The following CTNNA1 variants were observed in gnomAD, a reference collection of about 807,000 sequenced individuals.
CTNNA1 encodes catenin alpha 1.
Under a neutral mutation model 98.4 loss-of-function variants are expected in CTNNA1, and 37 were observed. The observed-to-expected ratio is 0.38, with a 90% confidence interval of 0.29 to 0.49. The LOEUF is 0.49. Among genes scored for constraint, CTNNA1 ranks in the 20% least tolerant of loss-of-function variants. The probability of loss-of-function intolerance (pLI) is 0.95; values close to 1 mark genes in which losing one functional copy is unlikely to be tolerated. For synonymous variants in CTNNA1, 404 were observed against 413.2 expected, an observed-to-expected ratio of 0.98 and a Z score of 0.27; for missense variants, 761 against 1,147.2, an observed-to-expected ratio of 0.66 and a Z score of 4.86.
chr5:138,914,082 G>A (rs750485218), intron 10 of CTNNA1, among the ~76,000 whole-genome samples: 1 of 152,162 alleles, frequency 6.6e-6, no homozygotes, highest in Non-Finnish European at 1.5e-5. Flanking sequence ...ATTATCAGCT[G>A]TCTTTTGTAC....
In CTNNA1 at chr5:138,783,217, A is replaced by G. The variant is rs1308395731; in HGVS notation, c.146A>G (p.Asn49Ser). The change falls in exon 3 of 18, where the codon AAT becomes AGT. Residue 49 changes from asparagine to serine, a missense_variant. Transcript: ENST00000302763. The stretch of plus-strand genomic sequence containing the variant: ...AACACCAATAGTAAAGGGCCCTCTA[A>G]TAAGAAGAGAGGTCGTTCTAAGAAG... ...LVNTNSKGPSNKKRGRSKKAH... is the reference protein window; with the variant it reads ...LVNTNSKGPSSKKRGRSKKAH... 1 of 1,613,882 alleles carries G rather than the reference A, an allele frequency of 6.2e-7. No individual in the cohort carries two copies. Among genetic ancestry groups the G allele is most frequent in the Admixed American group, 1.7e-5 (1 of 60,024 alleles).
chr5:138,868,935 T>C (rs1765066888), intron 7 of CTNNA1: 1 of 152,182 alleles, frequency 6.6e-6, no homozygotes, highest in African/African-American at 2.4e-5. Context: ...CTTTTTACAG[T>C]ATACACAATT....
intron 3 of CTNNA1, chr5:138,791,047 A>AG (rs1756298607): frequency 6.6e-6 from 1 of 152,210 alleles, no homozygotes; most frequent in African/African-American, 2.4e-5. Context: ...AGATAGAGTA[A>AG]GTTCTTTTAC....
intron 9 of CTNNA1, among the ~76,000 whole-genome samples, chr5:138,892,323 G>C (rs1755568688): frequency 7.6e-6 from 1 of 132,034 alleles, no homozygotes. Context: ...ATATAAAATA[G>C]CTTAGTTTTT....
At chr5:138,925,473 C>T (rs1477587475) in intron 13 of CTNNA1, 66 bp downstream of exon 13, 47 of 1,571,510 alleles carry the variant, frequency 3.0e-5, no homozygotes, top group African/African-American at 8.1e-5. Context: ...TTGAGCAATG[C>T]GTCATTCTAG....
chr5:138,840,999 T>G (rs1262734634), intron 7 of CTNNA1, among the ~76,000 whole-genome samples: 3 of 152,198 alleles, frequency 2.0e-5, no homozygotes, highest in Non-Finnish European at 4.4e-5. Flanking sequence ...ACTGTCCTTG[T>G]CGGAGACAGG....
chr5:138,868,225 T>C (rs554145504), intron 7 of CTNNA1, among the ~76,000 whole-genome samples: 104 of 152,368 alleles, frequency 6.8e-4, no homozygotes, highest in Non-Finnish European at 1.0e-3. Flanking sequence ...GCAGTAGCTA[T>C]TAATAAAAAT....
At chr5:138,781,449 G>A (rs1755100369) in intron 1 of CTNNA1, among the ~76,000 whole-genome samples, 1 of 151,962 alleles carries the variant, frequency 6.6e-6, no homozygotes, top group Non-Finnish European at 1.5e-5. Flanking sequence ...ACAGCCACTT[G>A]GGAGGCTGAG....
At chr5:138,858,689 G>A (rs181084326) in intron 7 of CTNNA1, among the ~76,000 whole-genome samples, 45 of 140,148 alleles carry the variant, frequency 3.2e-4, no homozygotes, top group Admixed American at 2.9e-3. Context: ...TCCGCCTCCC[G>A]CATTCAAGCA....
At chr5:138,818,580 G>C (rs1229515260) in intron 5 of CTNNA1, among the ~76,000 whole-genome samples, 1 of 152,134 alleles carries the variant, frequency 6.6e-6, no homozygotes, top group Non-Finnish European at 1.5e-5. Context: ...TCCAGTAGGA[G>C]CAATAGTACA....
intron 3 of CTNNA1, among the ~76,000 whole-genome samples, chr5:138,799,861 T>G (rs199783151): frequency 1.2e-4 from 17 of 146,034 alleles, no homozygotes; most frequent in African/African-American, 3.8e-4. Flanking sequence ...GATGTAGATG[T>G]ATGTATGTAT....
At chr5:138,853,374 C>T (rs532581369) in intron 7 of CTNNA1, among the ~76,000 whole-genome samples, 8 of 151,988 alleles carry the variant, frequency 5.3e-5, no homozygotes, top group African/African-American at 1.9e-4. Context: ...CCATTTTCTA[C>T]TGTCATTTGT....
At chr5:138,759,843 T>A (rs892947066) in intron 1 of CTNNA1, among the ~76,000 whole-genome samples, 1 of 152,056 alleles carries the variant, frequency 6.6e-6, no homozygotes. Context: ...TCCTTGGAAG[T>A]TGCAAGCTTT....
At chr5:138,905,166 T>C (rs1322907155) in intron 10 of CTNNA1, among the ~76,000 whole-genome samples, 1 of 151,054 alleles carries the variant, frequency 6.6e-6, no homozygotes, top group Non-Finnish European at 1.5e-5. Context: ...GGCGTGCACC[T>C]GTAGTCCCAG....
intron 7 of CTNNA1, among the ~76,000 whole-genome samples, chr5:138,879,168 C>CT (rs1205630925): frequency 5.3e-4 from 25 of 46,732 alleles, no homozygotes; most frequent in East Asian, 8.9e-4. Flanking sequence ...GAGACTCCGT[C>CT]TTTAAAAAAA....
At chr5:138,842,080 A>C (rs1762319544) in intron 7 of CTNNA1, among the ~76,000 whole-genome samples, 1 of 152,172 alleles carries the variant, frequency 6.6e-6, no homozygotes, top group Non-Finnish European at 1.5e-5. Flanking sequence ...ATGACCTGAG[A>C]TATTTTATTA....
intron 13 of CTNNA1, among the ~76,000 whole-genome samples, chr5:138,927,727 A>AATGG (rs888538350): frequency 6.6e-6 from 1 of 151,804 alleles, no homozygotes; most frequent in African/African-American, 2.4e-5. Flanking sequence ...TGAATGAATG[A>AATGG]ATGAATGAAT....
At chr5:138,814,270 T>C (rs1375372484) in intron 5 of CTNNA1, among the ~76,000 whole-genome samples, 3 of 150,038 alleles carry the variant, frequency 2.0e-5, no homozygotes, top group Non-Finnish European at 4.4e-5. Context: ...TTTTTTGAGA[T>C]GGAGTTTCGC....
intron 3 of CTNNA1, among the ~76,000 whole-genome samples, chr5:138,799,387 T>G (rs1757304178): frequency 6.6e-6 from 1 of 152,192 alleles, no homozygotes; most frequent in Non-Finnish European, 1.5e-5. Flanking sequence ...CTCGAACTCC[T>G]GACTTCAGGT....
Sources: allele counts gnomAD v4.1 joint callset (sites outside exome capture counted in the v4.1 genomes callset), GRCh38; gene constraint gnomAD v4.1.1; transcripts MANE v1.5; gene names NCBI Gene and HGNC (gene_info 2026-07-23, HGNC 2026-07-21).